The following HUWE1 variants were observed in gnomAD, a reference collection of about 807,000 sequenced individuals.
HUWE1 encodes HECT, UBA and WWE domain containing E3 ubiquitin protein ligase 1, also known as E3 ubiquitin-protein ligase HUWE1.
In HUWE1, 18 loss-of-function variants were observed where a neutral mutation model predicts 299.4. The observed-to-expected ratio is 0.06, with a 90% CI of 0.04 to 0.09. The LOEUF is 0.09. HUWE1 is among the 10% of genes least tolerant of loss of function. The pLI, the probability that HUWE1 is intolerant of heterozygous loss-of-function variation, is 1.00. For synonymous variants in HUWE1, 1,317 were observed against 1,286.1 expected (o/e 1.02, Z -0.51); for missense variants, 1,832 against 3,462.3 (o/e 0.53, Z 11.82).
chrX:53,542,290 G>A (rs181303184), intron 74 of HUWE1, among the ~76,000 whole-genome samples, 153 bp downstream of exon 74: 6 of 112,165 alleles, frequency 5.3e-5, no homozygotes, highest in African/African-American at 1.6e-4. Flanking sequence ...TGCCTTGGTT[G>A]TCAAACACCT....
intron 61 of HUWE1, among the ~76,000 whole-genome samples, chrX:53,553,528 G>A (rs1435183494): frequency 1.8e-5 from 2 of 108,168 alleles, no homozygotes; most frequent in East Asian, 3.0e-4. Context: ...ACAAGGTTTC[G>A]GTAGGGCGCA....
chrX:53,583,357 GACTTTC>G (rs2063716978), intron 42 of HUWE1, among the ~76,000 whole-genome samples, 195 bp downstream of exon 42: 1 of 109,630 alleles, frequency 9.1e-6, no homozygotes, highest in African/African-American at 3.3e-5. Context: ...TGCTGGAGAG[GACTTTC>G]TAGCAATAGG....
Position 53,686,672 on chromosome X carries a change from C to G in HUWE1, c.-346G>C, listed in dbSNP as rs1569518083. 1 of 123,088 alleles carries G rather than the reference C, an allele frequency of 8.1e-6. No individual in the cohort carries two copies. Among genetic ancestry groups the G allele is most frequent in the Non-Finnish European group, 1.6e-5 (1 of 61,040 alleles). The allele number at this position is 123,088 out of a possible 1,213,427, so 10.1% of individuals were successfully genotyped here. A position where few individuals can be genotyped will look rare whatever the true frequency, so the allele number is the denominator to read the frequency against. Reference sequence around the variant, plus strand: ...AGCCCTGCTTCAGCCCTGCTCCAGCCCTGCTCCAGCCCTGCTCCAGCCCTG... The same window carrying G: ...AGCCCTGCTTCAGCCCTGCTCCAGCGCTGCTCCAGCCCTGCTCCAGCCCTG... On this transcript the variant is annotated 5_prime_UTR_variant, in exon 1 of 84. Coordinates refer to ENST00000262854, the MANE Select transcript of HUWE1 (RefSeq NM_031407.7).
rs782018779 is a variant in HUWE1, at chrX:53,580,898, G to A, written c.5649C>T (p.Asp1883=). The A allele has an allele frequency of 6.6e-6, 8 of 1,209,925 alleles. No homozygotes were observed. The African/African-American group carries it at 1.1e-4, about 16-fold the overall frequency. ...VLGPAACRNP[D]IFTEVANCCI... is the part of the protein sequence containing the mutation. ...AGCAGTTGGCCACTTCTGTGAATAT[G>A]TCTGGATTGCGGCATGCGGCTGGCC... The change falls in exon 43 of 84, where the codon GAC becomes GAT. Residue 1883 remains aspartate, a synonymous_variant. Coordinates refer to ENST00000262854, the MANE Select transcript of HUWE1 (RefSeq NM_031407.7).
chrX:53,541,914 C>T (rs1483040011), intron 74 of HUWE1, among the ~76,000 whole-genome samples: 1 of 111,801 alleles, frequency 8.9e-6, no homozygotes, highest in East Asian at 2.8e-4. Flanking sequence ...GGCGCAGTGG[C>T]TCATGCCTGT....
At position 53,565,138 on chromosome X, in the gene HUWE1, G is replaced by C; in HGVS notation, c.6809C>G (p.Ser2270Cys). 1 of 1,211,644 alleles carries C rather than the reference G, an allele frequency of 8.3e-7. No individual in the cohort carries two copies. Among genetic ancestry groups the C allele is most frequent in the Non-Finnish European group, 1.1e-6 (1 of 895,262 alleles). The change falls in exon 50 of 84, where the codon TCT becomes TGT. Residue 2270 changes from serine (S) to cysteine (C), a missense_variant. Around this residue, in one of 15 missense-constraint regions of HUWE1, gnomAD observed 26 missense variants for 20.7 expected, o/e 1.26. Transcript: ENST00000262854. Reference protein sequence around the residue: ...PSSLFGSKSASSKNKSEQDAQ... With the variant: ...PSSLFGSKSACSKNKSEQDAQ... ...ATCCTGCTCAGACTTGTTCTTGCTAGAAGCACTCTTGCTGCCAAAAAGGCT... is the reference window on the plus strand; with the variant it reads ...ATCCTGCTCAGACTTGTTCTTGCTACAAGCACTCTTGCTGCCAAAAAGGCT...
At chrX:53,542,663 G>A in intron 73 of HUWE1, 124 bp from the exon 74 acceptor site, 1 of 527,785 alleles carries the variant, frequency 1.9e-6, no homozygotes, top group African/African-American at 2.2e-5. Context: ...ATATTTGGGT[G>A]GGGAAAACTG....
In HUWE1 at chrX:53,536,487, G is replaced by A. The variant is rs1377973201; in HGVS notation, c.12318C>T (p.Tyr4106=). Residue 4106 remains tyrosine, a synonymous_variant, in exon 79 of 84, where the codon TAC becomes TAT. Transcript: ENST00000262854. ...CCACAATGCGTCCGACAAACTTGAA[G>A]TAGCTGAGGTGGTTGGGGTTGCAGT... ...SSHCNPNHLS[Y]FKFVGRIVAK... The A allele has an allele frequency of 4.1e-6, 5 of 1,209,302 alleles. No homozygotes were observed. The African/African-American group carries it at 5.3e-5, about 13-fold the overall frequency.
intron 22 of HUWE1, among the ~76,000 whole-genome samples, chrX:53,615,494 C>T (rs1411945223): frequency 2.7e-5 from 3 of 111,336 alleles, no homozygotes; most frequent in Admixed American, 9.5e-5. Context: ...TCCCAAAGTG[C>T]CAGGATTACA....
intron 83 of HUWE1, 102 bp from the exon 84 acceptor site, chrX:53,533,513 A>G (rs1329857211): frequency 3.6e-6 from 2 of 561,189 alleles, no homozygotes; most frequent in Non-Finnish European, 6.2e-6. Context: ...TGAAGAAACC[A>G]ACTCCCTGCT....
At chrX:53,662,398 GT>G (rs1212934550) in intron 3 of HUWE1, among the ~76,000 whole-genome samples, 1 of 111,745 alleles carries the variant, frequency 8.9e-6, no homozygotes, top group Non-Finnish European at 1.9e-5. Context: ...CCGCTGGAAT[GT>G]TTTTGCCACC....
Position 53,551,338 on chromosome X carries a change from C to T in HUWE1, c.9024G>A (p.Val3008=). 8.3e-7 allele frequency: 1 copy of T among 1,209,814 alleles called. No individual in the cohort carries two copies. The highest frequency in any genetic ancestry group is 1.1e-6 in the Non-Finnish European group (1 of 894,613). Residue 3008 remains valine, a synonymous_variant, in exon 64 of 84, where the codon GTG becomes GTA. Coordinates refer to ENST00000262854, the MANE Select transcript of HUWE1 (RefSeq NM_031407.7). ...CTTCAGTCACACCAGGATTCCCCAC[C>T]ACTGCAGGCGCTGAGCTATTTGTGG... ...APSTNSSAPA[V]VGNPGVTEVS... is the part of the protein sequence containing the mutation.
rs143462249 is a variant in HUWE1 at position 53,660,601 on chromosome X, C to A, written c.-24-6470G>T. Among the ~76,000 whole-genome samples the A allele has an allele frequency of 6.8e-3, 758 of 111,919 alleles. 3 individuals carry two copies. Among genetic ancestry groups the A allele is most frequent in the African/African-American group, 0.024 (733 of 30,821 alleles). On this transcript the variant is annotated intron_variant, in intron 3 of 83. Transcript: ENST00000262854. ...CATTACAAGCCAGACAATACTGAGA[C>A]TGGAGTTCCCCAAAGTGTGTTAGAA... is the stretch of plus-strand genomic sequence containing the variant.
chrX:53,536,207 C>T lies in HUWE1; in HGVS notation c.12471G>A (p.Leu4157=). The part of the protein sequence containing the change: ...ESEDYHFYQG[L]VYLLENDVST... ...AGACATCATTTTCCAGCAGATAAAC[C>T]AGACCTTGGTAGAAGTGGTAATCTT... The change falls in exon 80 of 84, where the codon CTG becomes CTA. Residue 4157 remains leucine, a synonymous_variant. Transcript: ENST00000262854. 8.3e-7 allele frequency: 1 copy of T among 1,203,111 alleles called. No homozygotes were observed.
intron 40 of HUWE1, 109 bp from the exon 41 acceptor site, chrX:53,584,454 G>A: frequency 1.5e-6 from 1 of 649,272 alleles, no homozygotes; most frequent in Non-Finnish European, 2.4e-6. Context: ...AAGGAACTCT[G>A]GCAATTTATC....
intron 7 of HUWE1, among the ~76,000 whole-genome samples, chrX:53,639,874 T>TA (rs1215212943): frequency 1.8e-5 from 2 of 112,394 alleles, no homozygotes; most frequent in Non-Finnish European, 3.8e-5. Context: ...ACTCTGATCC[T>TA]AAAAAAACTA....
chrX:53,581,760 T>G (rs1172785732), intron 42 of HUWE1, among the ~76,000 whole-genome samples: 1 of 111,792 alleles, frequency 8.9e-6, no homozygotes, highest in Non-Finnish European at 1.9e-5. Context: ...AATTTCCATT[T>G]AATAAACACA....
At chrX:53,614,287 AAATT>A (rs782745427) in intron 23 of HUWE1, among the ~76,000 whole-genome samples, 9 of 111,383 alleles carry the variant, frequency 8.1e-5, no homozygotes, top group Middle Eastern at 4.7e-3. Flanking sequence ...TAAAAATTAA[AAATT>A]AATTAATTTT....
At chrX:53,576,098 T>G (rs2063091048) in intron 44 of HUWE1, among the ~76,000 whole-genome samples, 1 of 111,962 alleles carries the variant, frequency 8.9e-6, no homozygotes, top group Non-Finnish European at 1.9e-5. Flanking sequence ...CTAAACTATT[T>G]CGGGGAGGTG....
Sources: gnomAD v4.1 joint callset for allele counts (sites outside exome capture counted in the v4.1 genomes callset) on GRCh38, gnomAD v4.1.1 for gene constraint, gnomAD v4.1.1 regional missense constraint, MANE v1.5 for transcripts, NCBI Gene and HGNC (gene_info 2026-07-23, HGNC 2026-07-21) for gene names.